RNF38: variants seen among roughly 807,000 people sequenced by gnomAD.
RNF38 encodes ring finger protein 38.
RNF38 carries 15 observed loss-of-function variants against 67.2 expected under a neutral mutation model. The observed-to-expected ratio is 0.22, with a 90% CI of 0.15 to 0.34. The LOEUF is 0.34. Ranked by LOEUF, RNF38 falls within the 10% of genes least tolerant of loss-of-function variation. The pLI is 1.00. For synonymous variants in RNF38, 220 were observed against 218.8 expected (o/e 1.01, Z -0.05); for missense variants, 524 against 639.9 (o/e 0.82, Z 1.95).
rs145256604 is a variant in RNF38, at chr9:36,386,604, A to G, written c.162+3863T>C. Among the ~76,000 whole-genome samples, 507 of 152,226 alleles carry G rather than the reference A, an allele frequency of 3.3e-3. 7 individuals carry two copies. The highest frequency in any genetic ancestry group is 0.012 in the African/African-American group (484 of 41,530). On this transcript the variant is annotated intron_variant, in intron 2 of 11. Coordinates refer to ENST00000259605, the MANE Select transcript of RNF38 (RefSeq NM_022781.5). ...CATTCCCATCACGTTAGGCATTCTG[A>G]GTCACAGGATGAGATAGGAGGTCAG...
At chr9:36,392,987 TAAG>T (rs966473418) in intron 1 of RNF38, among the ~76,000 whole-genome samples, 32 of 152,344 alleles carry the variant, frequency 2.1e-4, no homozygotes, top group African/African-American at 7.5e-4. Context: ...TGACTCAATC[TAAG>T]GAGGGCTTTT....
intron 1 of RNF38, among the ~76,000 whole-genome samples, chr9:36,450,586 C>G (rs1241889136): frequency 1.3e-5 from 2 of 152,042 alleles, no homozygotes; most frequent in Non-Finnish European, 2.9e-5. Context: ...TGAGTATTTC[C>G]TAACTTAATC....
At chr9:36,452,211 C>CT (rs1319461604) in intron 1 of RNF38, among the ~76,000 whole-genome samples, 7 of 152,260 alleles carry the variant, frequency 4.6e-5, no homozygotes, top group Admixed American at 4.6e-4. Flanking sequence ...AGGTAACAGA[C>CT]TGAGCTGATG....
intron 1 of RNF38, among the ~76,000 whole-genome samples, chr9:36,469,337 T>C (rs895575697): frequency 6.6e-6 from 1 of 151,218 alleles, no homozygotes; most frequent in Non-Finnish European, 1.5e-5. Flanking sequence ...ATCTTTTTTT[T>C]CCCCCACTAT....
chr9:36,486,977 G>C (rs1279416588), intron 1 of RNF38, among the ~76,000 whole-genome samples: 1 of 151,958 alleles, frequency 6.6e-6, no homozygotes, highest in African/African-American at 2.4e-5. Flanking sequence ...CTGGGTCCCA[G>C]CCAAGCTACG....
chr9:36,387,644 G>C (rs1416522074), intron 2 of RNF38, among the ~76,000 whole-genome samples: 1 of 152,112 alleles, frequency 6.6e-6, no homozygotes, highest in Admixed American at 6.5e-5. Context: ...TTTATGTTAA[G>C]TATACCTTAA....
chr9:36,430,736 G>A (rs542205570), intron 1 of RNF38, among the ~76,000 whole-genome samples: 14 of 152,046 alleles, frequency 9.2e-5, no homozygotes, highest in Non-Finnish European at 1.6e-4. Context: ...GACTTCGGGC[G>A]GCGGGGGTGC....
intron 1 of RNF38, among the ~76,000 whole-genome samples, chr9:36,430,208 T>C (rs1328701899): frequency 6.6e-6 from 1 of 152,056 alleles, no homozygotes; most frequent in Non-Finnish European, 1.5e-5. Flanking sequence ...GAATTATTAT[T>C]ATTATTATTA....
chr9:36,357,590 T>C (rs1200906529), intron 5 of RNF38, among the ~76,000 whole-genome samples, 185 bp downstream of exon 5: 1 of 152,244 alleles, frequency 6.6e-6, no homozygotes, highest in Non-Finnish European at 1.5e-5. Flanking sequence ...TATTGAGATT[T>C]TTATTGCAAT....
chr9:36,343,568 T>C (rs10738965), intron 10 of RNF38, among the ~76,000 whole-genome samples: 144,532 of 152,110 alleles, frequency 0.95, 69,063 homozygotes, highest in East Asian at 1. Flanking sequence ...CACTTCACAA[T>C]CACTAGACTG....
chr9:36,478,514 T>TA (rs751454586), intron 1 of RNF38, among the ~76,000 whole-genome samples: 5,950 of 125,658 alleles, frequency 0.047, 366 homozygotes, highest in African/African-American at 0.15. Flanking sequence ...TGTAAGTATT[T>TA]AAAAAAAAAA....
intron 1 of RNF38, among the ~76,000 whole-genome samples, chr9:36,462,923 C>A (rs1839767481): frequency 6.6e-6 from 1 of 152,058 alleles, no homozygotes. Flanking sequence ...GATCTGCCTG[C>A]CTCAGTCTCC....
chr9:36,418,776 ACT>A lies in RNF38; in HGVS notation n.312+5835_312+5836del, dbSNP rs539987344. On this transcript the variant is annotated intron_variant and non_coding_transcript_variant, in intron 2 of 3. Transcript: ENST00000488058. ...ACTCCAGCCTGGGTGACAGAGCAAG[ACT>A]CTGTCTCAAAAAACAACAACAACAA... Among the ~76,000 whole-genome samples the A allele has an allele frequency of 8.6e-5, 13 of 151,836 alleles. No homozygotes were observed. In the East Asian group the frequency reaches 2.5e-3, roughly 30 times the overall value.
In RNF38 at chr9:36,347,183, TATAAAATTTAG is replaced by T. The variant is rs1488915808; in HGVS notation, c.1264-2241_1264-2231del. ...TGCCAAATTGATGGTGATTACAATATATAAAATTTAGATAAAATTTATGATATCATTGATAA... is the reference window on the plus strand; with the variant it reads ...TGCCAAATTGATGGTGATTACAATATATAAAATTTATGATATCATTGATAA... On this transcript the variant is annotated intron_variant, in intron 9 of 11. Coordinates refer to ENST00000259605, the MANE Select transcript of RNF38 (RefSeq NM_022781.5). Among the ~76,000 whole-genome samples the T allele has an allele frequency of 5.9e-5, 8 of 135,486 alleles. 1 individual carries two copies. Among genetic ancestry groups the T allele is most frequent in the East Asian group, 4.4e-4 (2 of 4,548 alleles). 88.9% of individuals were successfully genotyped at this position (135,486 alleles called of 152,430 possible).
At chr9:36,446,406 G>C (rs1839300775) in intron 1 of RNF38, among the ~76,000 whole-genome samples, 1 of 152,130 alleles carries the variant, frequency 6.6e-6, no homozygotes, top group Admixed American at 6.5e-5. Flanking sequence ...TCTCCCCTGT[G>C]TTTCCTGCAC....
At chr9:36,346,168 T>C (rs1274920858) in intron 9 of RNF38, among the ~76,000 whole-genome samples, 1 of 152,176 alleles carries the variant, frequency 6.6e-6, no homozygotes, top group Admixed American at 6.5e-5. Context: ...CATCAACTCA[T>C]GAACTTTAAC....
chr9:36,356,742 G>A (rs1197477140), intron 5 of RNF38, among the ~76,000 whole-genome samples: 18 of 150,718 alleles, frequency 1.2e-4, no homozygotes, highest in Admixed American at 1.1e-3. Context: ...GGGTTGGGGC[G>A]GGTGTGGGGG....
At chr9:36,370,734 T>C (rs1835313010) in intron 3 of RNF38, among the ~76,000 whole-genome samples, 1 of 152,036 alleles carries the variant, frequency 6.6e-6, no homozygotes, top group Admixed American at 6.6e-5. Flanking sequence ...GGTGAAACCC[T>C]GTTTCTACCC....
At chr9:36,387,433 T>C (rs559264501) in intron 2 of RNF38, among the ~76,000 whole-genome samples, 2 of 152,344 alleles carry the variant, frequency 1.3e-5, no homozygotes, top group Non-Finnish European at 2.9e-5. Context: ...TTAATTACCT[T>C]TTGAAAACTT....
Sources: allele counts gnomAD v4.1 joint callset (sites outside exome capture counted in the v4.1 genomes callset), GRCh38; gene constraint gnomAD v4.1.1; transcripts MANE v1.5; gene names NCBI Gene and HGNC (gene_info 2026-07-23, HGNC 2026-07-21).